The following ELOVL7 variants were observed in gnomAD, a reference collection of about 807,000 sequenced individuals.
The protein encoded by ELOVL7 is ELOVL fatty acid elongase 7, also known as very long chain fatty acid elongase 7.
In ELOVL7, 27 loss-of-function variants were observed where a neutral mutation model predicts 35.7. The ratio of observed to expected loss-of-function variants is 0.76; its 90% CI spans 0.56 to 1.04. ELOVL7 has a LOEUF of 1.04. Ranked by LOEUF, ELOVL7 falls within the 50% of genes least tolerant of loss-of-function variation. ELOVL7 has a pLI of 0.00. For missense variants in ELOVL7, 327 were observed against 340.8 expected, an observed-to-expected ratio of 0.96 and a Z score of 0.32; for synonymous variants, 113 against 114.6, an observed-to-expected ratio of 0.99 and a Z score of 0.09.
In ELOVL7 at chr5:60,752,845, A is replaced by C. The variant is rs941277771; in HGVS notation, c.*1779T>G. ...GTAATCCCAGCTACTTGGGAGGCTG[A>C]GACAGGAGAATCACTTGAACCTGGG... On this transcript the variant is annotated 3_prime_UTR_variant, in exon 9 of 9. Transcript: ENST00000508821. 2.0e-5 allele frequency: 3 copies of C among 152,132 alleles called. No individual in the cohort carries two copies. The highest frequency in any genetic ancestry group is 7.2e-5 in the African/African-American group (3 of 41,394). 9.4% of individuals were successfully genotyped at this position (152,132 alleles called of 1,614,324 possible). A position where few individuals can be genotyped will look rare whatever the true frequency, so the allele number is the denominator to read the frequency against.
intron 3 of ELOVL7, among the ~76,000 whole-genome samples, chr5:60,779,268 A>G (rs903846041): frequency 6.6e-6 from 1 of 152,154 alleles, no homozygotes; most frequent in Admixed American, 6.5e-5. Context: ...CAGCTCCACT[A>G]GGCACTGCCC....
At chr5:60,801,633 G>A (rs760582727) in intron 1 of ELOVL7, among the ~76,000 whole-genome samples, 1 of 151,974 alleles carries the variant, frequency 6.6e-6, no homozygotes, top group Non-Finnish European at 1.5e-5. Context: ...AGCCCGGGAG[G>A]TCAAGGCTGC....
chr5:60,778,937 C>A (rs1743072018), intron 3 of ELOVL7, among the ~76,000 whole-genome samples: 3 of 152,224 alleles, frequency 2.0e-5, no homozygotes, highest in Admixed American at 2.0e-4. Context: ...TAAATATACC[C>A]ATTCCAAATG....
At chr5:60,843,041 T>A (rs1373576411) in intron 1 of ELOVL7, among the ~76,000 whole-genome samples, 1 of 152,012 alleles carries the variant, frequency 6.6e-6, no homozygotes, top group Admixed American at 6.6e-5. Context: ...AGCCACCAGG[T>A]ATCGATGACC....
intron 7 of ELOVL7, among the ~76,000 whole-genome samples, chr5:60,763,962 G>A (rs1250054164): frequency 6.6e-6 from 1 of 151,878 alleles, no homozygotes; most frequent in Non-Finnish European, 1.5e-5. Context: ...ACCTCTCTGG[G>A]AAAAGAATAA....
chr5:60,773,102 A>C (rs917071989), intron 3 of ELOVL7, among the ~76,000 whole-genome samples: 1 of 152,214 alleles, frequency 6.6e-6, no homozygotes, highest in African/African-American at 2.4e-5. Context: ...GCAGAGATGG[A>C]TGAATAAAAA....
At chr5:60,840,372 G>C (rs1747093251) in intron 1 of ELOVL7, among the ~76,000 whole-genome samples, 2 of 152,202 alleles carry the variant, frequency 1.3e-5, no homozygotes, top group African/African-American at 2.4e-5. Context: ...TGCATATGAA[G>C]ACAGAAGCAG....
intron 6 of ELOVL7, among the ~76,000 whole-genome samples, chr5:60,766,244 T>C (rs571873477): frequency 2.6e-5 from 4 of 152,352 alleles, no homozygotes; most frequent in African/African-American, 9.6e-5. Context: ...ACTTGATTCA[T>C]AAAACAACTG....
chr5:60,759,640 T>A (rs1408136409), intron 7 of ELOVL7, among the ~76,000 whole-genome samples: 2 of 151,954 alleles, frequency 1.3e-5, no homozygotes, highest in African/African-American at 4.8e-5. Flanking sequence ...AAGTTTTTTT[T>A]ATTTATTATT....
intron 1 of ELOVL7, among the ~76,000 whole-genome samples, chr5:60,819,346 T>G (rs767143619): frequency 1.3e-5 from 2 of 152,042 alleles, no homozygotes; most frequent in Non-Finnish European, 2.9e-5. Context: ...AGATGGACAA[T>G]GTACTGACGG....
In ELOVL7 at chr5:60,753,787, C is replaced by T. The variant is rs2112106869; in HGVS notation, c.*837G>A. ...ATACTATAACAGACAACAGGTTTTTCCCACTGAACTACACAATACTTTTTT... is the reference window on the plus strand; with the variant it reads ...ATACTATAACAGACAACAGGTTTTTTCCACTGAACTACACAATACTTTTTT... On this transcript the variant is annotated 3_prime_UTR_variant, in exon 9 of 9. Coordinates refer to ENST00000508821, the MANE Select transcript of ELOVL7 (RefSeq NM_024930.3). 6.6e-6 allele frequency: 1 copy of T among 152,288 alleles called. No individual in the cohort carries two copies. The highest frequency in any genetic ancestry group is 1.5e-5 in the Non-Finnish European group (1 of 68,016). 9.4% of individuals were successfully genotyped at this position (152,288 alleles called of 1,614,324 possible). A position where few individuals can be genotyped will look rare whatever the true frequency, so the allele number is the denominator to read the frequency against.
intron 1 of ELOVL7, among the ~76,000 whole-genome samples, chr5:60,839,948 CA>C (rs1747064417): frequency 6.6e-6 from 1 of 151,424 alleles, no homozygotes; most frequent in South Asian, 2.1e-4. Context: ...TGCGGAAAGC[CA>C]TGACTGTGCC....
chr5:60,766,503 T>C, intron 6 of ELOVL7, 71 bp downstream of exon 6: 1 of 1,363,064 alleles, frequency 7.3e-7, no homozygotes, highest in Non-Finnish European at 1.0e-6. Flanking sequence ...TTGGTTTCAC[T>C]GAAAGATCAA....
chr5:60,797,611 G>C (rs1744342398), intron 2 of ELOVL7, among the ~76,000 whole-genome samples: 1 of 152,206 alleles, frequency 6.6e-6, no homozygotes, highest in South Asian at 2.1e-4. Flanking sequence ...AAGCCCTGAG[G>C]AAGTGCCAGG....
intron 3 of ELOVL7, among the ~76,000 whole-genome samples, chr5:60,777,516 A>C (rs576512688): frequency 4.2e-4 from 64 of 152,232 alleles, no homozygotes; most frequent in African/African-American, 1.5e-3. Context: ...ACTGCCTTTA[A>C]AACATTCATA....
chr5:60,835,308 ACTTT>A (rs1280699580), intron 1 of ELOVL7, among the ~76,000 whole-genome samples: 4 of 152,026 alleles, frequency 2.6e-5, no homozygotes, highest in Non-Finnish European at 5.9e-5. Context: ...TCCAGTTTTA[ACTTT>A]CTAAGTGAAT....
chr5:60,779,319 CTTCCACA>C (rs1278891705), intron 3 of ELOVL7, among the ~76,000 whole-genome samples: 1 of 152,238 alleles, frequency 6.6e-6, no homozygotes, highest in Non-Finnish European at 1.5e-5. Context: ...CCACATTTCT[CTTCCACA>C]TTGACCTAGT....
intron 1 of ELOVL7, among the ~76,000 whole-genome samples, chr5:60,808,628 C>T (rs1337272944): frequency 6.6e-6 from 1 of 152,062 alleles, no homozygotes; most frequent in Non-Finnish European, 1.5e-5. Context: ...TAATATTAAC[C>T]CAAGACAAAG....
intron 1 of ELOVL7, among the ~76,000 whole-genome samples, chr5:60,840,278 T>C (rs1312096383): frequency 6.6e-6 from 1 of 152,176 alleles, no homozygotes; most frequent in Non-Finnish European, 1.5e-5. Flanking sequence ...AATGAGGTCA[T>C]ACTGGAGTGG....
Sources: gnomAD v4.1 joint callset for allele counts (sites outside exome capture counted in the v4.1 genomes callset) on GRCh38, gnomAD v4.1.1 for gene constraint, MANE v1.5 for transcripts, NCBI Gene and HGNC (gene_info 2026-07-23, HGNC 2026-07-21) for gene names.